The following SLC35D4 variants were observed in gnomAD, a reference collection of about 807,000 sequenced individuals.
The protein encoded by SLC35D4 is UDP-N-acetylglucosamine transporter SLC35D4.
At chr18:23,313,305 G>A in the SLC35D4 span, among the ~76,000 whole-genome samples, 1 of 151,428 alleles carries the variant, frequency 6.6e-6, no homozygotes, top group Non-Finnish European at 1.5e-5. Flanking sequence ...AGACATGTAG[G>A]AACATGTAGT....
At chr18:23,418,841 A>C in the SLC35D4 span, among the ~76,000 whole-genome samples, 1 of 151,662 alleles carries the variant, frequency 6.6e-6, no homozygotes, top group Non-Finnish European at 1.5e-5. Context: ...CCCCGTCTCT[A>C]CTAAAAAATA....
chr18:23,411,610 A>T, the SLC35D4 span, among the ~76,000 whole-genome samples: 1 of 152,176 alleles, frequency 6.6e-6, no homozygotes, highest in Non-Finnish European at 1.5e-5. Context: ...AGACCTTACC[A>T]TGTTGAAGGA....
chr18:23,356,441 C>T, the SLC35D4 span, among the ~76,000 whole-genome samples: 1 of 152,166 alleles, frequency 6.6e-6, no homozygotes, highest in Non-Finnish European at 1.5e-5. This position sits in a 1 kb window ranked among gnomAD's most constrained non-coding sequence, Gnocchi z 4.1. Context: ...AAGTGACAGC[C>T]TGCTGGTGAC....
At chr18:23,250,983 A>G in the SLC35D4 span, among the ~76,000 whole-genome samples, 2 of 152,224 alleles carry the variant, frequency 1.3e-5, no homozygotes, top group African/African-American at 4.8e-5. Context: ...GACATTGTAC[A>G]TGTCTGTGCT....
chr18:23,256,262 T>C, the SLC35D4 span, among the ~76,000 whole-genome samples: 6 of 152,180 alleles, frequency 3.9e-5, no homozygotes, highest in African/African-American at 1.4e-4. Flanking sequence ...TGGTTCTCCT[T>C]CCTTTCCAGC....
At chr18:23,382,109 G>A in the SLC35D4 span, among the ~76,000 whole-genome samples, 5 of 151,530 alleles carry the variant, frequency 3.3e-5, no homozygotes, top group East Asian at 5.8e-4. Context: ...GCATGGTGGC[G>A]GGCACCTGTA....
the SLC35D4 span, among the ~76,000 whole-genome samples, chr18:23,368,246 G>A: frequency 3.3e-5 from 5 of 152,134 alleles, no homozygotes; most frequent in Non-Finnish European, 7.4e-5. Flanking sequence ...TGCAGCCCAA[G>A]GGCCTCACAC....
the SLC35D4 span, among the ~76,000 whole-genome samples, chr18:23,426,916 G>A: frequency 6.6e-6 from 1 of 152,170 alleles, no homozygotes; most frequent in Non-Finnish European, 1.5e-5. Context: ...AAGAAATGGG[G>A]AAAGGATTCC....
chr18:23,286,939 T>A, the SLC35D4 span, among the ~76,000 whole-genome samples: 1 of 151,722 alleles, frequency 6.6e-6, no homozygotes, highest in Non-Finnish European at 1.5e-5. Context: ...TCCCCCCACC[T>A]TAACCCACAA....
the SLC35D4 span, among the ~76,000 whole-genome samples, chr18:23,427,055 C>CACAGAA: frequency 2.6e-5 from 4 of 152,062 alleles, no homozygotes; most frequent in Non-Finnish European, 4.4e-5. Flanking sequence ...GACCTAAAAC[C>CACAGAA]ACAGAAACCC....
At chr18:23,346,845 C>A in the SLC35D4 span, among the ~76,000 whole-genome samples, 1 of 152,176 alleles carries the variant, frequency 6.6e-6, no homozygotes, top group Non-Finnish European at 1.5e-5. Context: ...GTATGTTAAA[C>A]CAACTATGCA....
the SLC35D4 span, among the ~76,000 whole-genome samples, chr18:23,437,240 T>C: frequency 6.6e-6 from 1 of 152,346 alleles, no homozygotes; most frequent in Non-Finnish European, 1.5e-5. Context: ...TAAAACTAAA[T>C]GTATGTTTTA....
At chr18:23,373,995 A>G in the SLC35D4 span, among the ~76,000 whole-genome samples, 1 of 152,216 alleles carries the variant, frequency 6.6e-6, no homozygotes, top group Non-Finnish European at 1.5e-5. Context: ...GCCGTTTCCC[A>G]GAGTCAGGCA....
chr18:23,287,267 C>G, the SLC35D4 span, among the ~76,000 whole-genome samples: 18 of 152,104 alleles, frequency 1.2e-4, no homozygotes, highest in Admixed American at 1.2e-3. Flanking sequence ...CTCAATACCT[C>G]CCTCCACAAT....
chr18:23,252,656 C>G, the SLC35D4 span, among the ~76,000 whole-genome samples: 1 of 152,172 alleles, frequency 6.6e-6, no homozygotes, highest in East Asian at 1.9e-4. Context: ...ACCGTGTGAA[C>G]AGGCTGACAC....
chr18:23,278,266 G>A, the SLC35D4 span, among the ~76,000 whole-genome samples: 10 of 152,184 alleles, frequency 6.6e-5, no homozygotes, highest in African/African-American at 2.4e-4. Context: ...CCCAGAAGGC[G>A]CCTGGAAGGG....
At chr18:23,364,902 C>CAAAAAAAAAAAAAAA in the SLC35D4 span, among the ~76,000 whole-genome samples, 4 of 31,884 alleles carry the variant, frequency 1.3e-4, 1 homozygote, top group Admixed American at 1.3e-3. Flanking sequence ...GACTCTGTCT[C>CAAAAAAAAAAAAAAA]AAAAAAAAAA....
the SLC35D4 span, among the ~76,000 whole-genome samples, chr18:23,400,851 A>G: frequency 6.6e-6 from 1 of 152,144 alleles, no homozygotes; most frequent in African/African-American, 2.4e-5. Flanking sequence ...GATCTGTACA[A>G]CTTCCTGGAG....
the SLC35D4 span, among the ~76,000 whole-genome samples, chr18:23,250,952 T>G: frequency 1.3e-5 from 2 of 152,224 alleles, no homozygotes; most frequent in African/African-American, 4.8e-5. Context: ...TGCCTCCTCC[T>G]TGCTACTAAC....
Sources: gnomAD v4.1 joint callset for allele counts (sites outside exome capture counted in the v4.1 genomes callset) on GRCh38, gnomAD v4.1.1 for gene constraint, Gnocchi (gnomAD v3.1) non-coding constraint, MANE v1.5 for transcripts, NCBI Gene and HGNC (gene_info 2026-07-23, HGNC 2026-07-21) for gene names.